The following BRIP1 variants were observed in gnomAD, a reference collection of about 807,000 sequenced individuals.
BRIP1 encodes Fanconi anemia group J protein.
In BRIP1, 88 loss-of-function variants were observed where a neutral mutation model predicts 119.7. The observed-to-expected ratio is 0.74, with a 90% confidence interval of 0.62 to 0.88. The LOEUF (loss-of-function observed/expected upper bound fraction) is 0.88. BRIP1 is among the 40% of genes least tolerant of loss of function. The pLI, the probability that BRIP1 is intolerant of heterozygous loss-of-function variation, is 0.00. For synonymous variants in BRIP1, 443 were observed against 496.5 expected, an observed-to-expected ratio of 0.89 and a Z score of 1.43; for missense variants, 1,259 against 1,455.4, an observed-to-expected ratio of 0.87 and a Z score of 2.20.
rs1457376380 is a variant in BRIP1 at position 61,845,073 on chromosome 17, T to G, written c.627+2028A>C. On this transcript the variant is annotated intron_variant, in intron 6 of 19. Transcript: ENST00000259008. The surrounding 1 kb of genome is among the most constrained non-coding windows in gnomAD (Gnocchi z 4.2). ...AAACAAGTAATCAAGTAATTTCAGA[T>G]AATAGTAAGCCCATGAAGGAAAGGA... Among the ~76,000 whole-genome samples the G allele has an allele frequency of 1.3e-5, 2 of 152,192 alleles. No homozygotes were observed. The highest frequency in any genetic ancestry group is 4.8e-5 in the African/African-American group (2 of 41,430).
intron 8 of BRIP1, among the ~76,000 whole-genome samples, chr17:61,800,762 T>C (rs2077977576): frequency 6.6e-6 from 1 of 152,192 alleles, no homozygotes; most frequent in South Asian, 2.1e-4. Flanking sequence ...AGATGAATTG[T>C]GCAGTCAGAT....
In BRIP1 at chr17:61,834,474, G is replaced by A. The variant is rs1298605681; in HGVS notation, c.627+12627C>T. Among the ~76,000 whole-genome samples the A allele has an allele frequency of 6.6e-6, 1 of 151,684 alleles. No individual in the cohort carries two copies. The highest frequency in any genetic ancestry group is 2.4e-5 in the African/African-American group (1 of 41,244). On this transcript the variant is annotated intron_variant, in intron 6 of 19. Transcript: ENST00000259008. The surrounding 1 kb of genome is among the most constrained non-coding windows in gnomAD (Gnocchi z 4.4). ...TTACATATATACTCAGTTGATACTG[G>A]GTATATATGTAATATATACTACGTA...
chr17:61,858,407 C>G (rs1292849546), intron 3 of BRIP1, among the ~76,000 whole-genome samples: 1 of 148,966 alleles, frequency 6.7e-6, no homozygotes, highest in Non-Finnish European at 1.5e-5. Flanking sequence ...GAGTTTCGCT[C>G]CTGTTGCCCA....
rs1412095887 is a variant in BRIP1, at chr17:61,695,726, T to C, written c.2493-2214A>G. 6.6e-6 allele frequency among the ~76,000 whole-genome samples: 1 copy of C among 152,170 alleles called. No homozygotes were observed. Among genetic ancestry groups the C allele is most frequent in the Non-Finnish European group, 1.5e-5 (1 of 67,996 alleles). Reference sequence around the variant, plus strand: ...AAGTATATTTCTAAGTATTTTCTTCTTTCTGATGTTATTTTAAATGGTATT... The same window carrying C: ...AAGTATATTTCTAAGTATTTTCTTCCTTCTGATGTTATTTTAAATGGTATT... On this transcript the variant is annotated intron_variant, in intron 17 of 19. Transcript: ENST00000259008. The surrounding 1 kb of genome is among the most constrained non-coding windows in gnomAD (Gnocchi z 4.3).
At chr17:61,797,024 C>T (rs2077910326) in intron 9 of BRIP1, among the ~76,000 whole-genome samples, 1 of 151,860 alleles carries the variant, frequency 6.6e-6, no homozygotes, top group South Asian at 2.1e-4. Flanking sequence ...GGAAGAAAAG[C>T]AATTCTGTTT....
At chr17:61,787,799 C>T (rs1039199881) in intron 10 of BRIP1, among the ~76,000 whole-genome samples, 25 of 152,134 alleles carry the variant, frequency 1.6e-4, no homozygotes, top group Non-Finnish European at 1.5e-4. Context: ...CGCCCGCCAC[C>T]ACGCCCGGCT....
rs1370877842 is a variant in BRIP1, at chr17:61,793,185, CAT to C, written c.1473+410_1473+411del. 3.3e-5 allele frequency among the ~76,000 whole-genome samples: 5 copies of C among 152,102 alleles called. No individual in the cohort carries two copies. Among genetic ancestry groups the C allele is most frequent in the African/African-American group, 1.2e-4 (5 of 41,448 alleles). ...ATTTTGCATATAGCTTCATAAGTTT[CAT>C]AGTCTTCCAAAGCCTACTCATGATC... is the stretch of plus-strand genomic sequence containing the variant. On this transcript the variant is annotated intron_variant, in intron 10 of 19. Coordinates refer to ENST00000259008, the MANE Select transcript of BRIP1 (RefSeq NM_032043.3). The surrounding 1 kb of genome is among the most constrained non-coding windows in gnomAD (Gnocchi z 5.2).
chr17:61,787,736 C>T (rs1049131366), intron 10 of BRIP1, among the ~76,000 whole-genome samples: 1 of 152,096 alleles, frequency 6.6e-6, no homozygotes, highest in Non-Finnish European at 1.5e-5. Flanking sequence ...GCTCCGCCTC[C>T]CAGGTTTGCG....
In BRIP1 at chr17:61,717,817, CTTTAT is replaced by C. The variant is rs988420890; in HGVS notation, c.2380-1759_2380-1755del. On this transcript the variant is annotated intron_variant, in intron 16 of 19. Coordinates refer to ENST00000259008, the MANE Select transcript of BRIP1 (RefSeq NM_032043.3). The surrounding 1 kb of genome is among the most constrained non-coding windows in gnomAD (Gnocchi z 4.1). ...CTCCAATTACAACTATATTAGACTA[CTTTAT>C]ATTACTCCACATGTCACTGACCCTC... Among the ~76,000 whole-genome samples the C allele has an allele frequency of 1.7e-4, 26 of 152,070 alleles. No homozygotes were observed. Among genetic ancestry groups the C allele is most frequent in the Non-Finnish European group, 2.9e-5 (2 of 68,006 alleles).
chr17:61,803,264 T>A lies in BRIP1; in HGVS notation c.919-1790A>T, dbSNP rs150734209. Among the ~76,000 whole-genome samples the A allele has an allele frequency of 5.5e-4, 83 of 152,274 alleles. 1 individual carries two copies. The highest frequency in any genetic ancestry group is 9.0e-4 in the Non-Finnish European group (61 of 68,016). ...GCATCACCACATATGGCTCCTTTTTTGTAGAGACAGGGTTTTGTCATGTTG... is the reference window on the plus strand; with the variant it reads ...GCATCACCACATATGGCTCCTTTTTAGTAGAGACAGGGTTTTGTCATGTTG... On this transcript the variant is annotated intron_variant, in intron 7 of 19. Transcript: ENST00000259008. This position sits in a 1 kb window ranked among gnomAD's most constrained non-coding sequence, Gnocchi z 4.3.
Position 61,689,320 on chromosome 17 carries a change from G to T in BRIP1, c.2576-3155C>A, listed in dbSNP as rs1034812060. 1.3e-5 allele frequency among the ~76,000 whole-genome samples: 2 copies of T among 151,772 alleles called. No homozygotes were observed. The highest frequency in any genetic ancestry group is 4.8e-5 in the African/African-American group (2 of 41,318). ...CAGCCTCCCAAAGTGCTAAGAATCA[G>T]GAAATTTGAAGGCAAGTCGTTTGAA... On this transcript the variant is annotated intron_variant, in intron 18 of 19. Transcript: ENST00000259008. This position sits in a 1 kb window ranked among gnomAD's most constrained non-coding sequence, Gnocchi z 4.5.
At position 61,847,139 on chromosome 17, in the gene BRIP1, A is replaced by G. The variant is rs530897769; in HGVS notation, c.589T>C (p.Ser197Pro). The part of the protein sequence containing the change: ...VDSGKTVKLN[S>P]PLEKINSFSP... ...AAGGAGTTTATCTTTTCCAGTGGAG[A>G]GTTGAGTTTTACAGTCTTTCCTGAA... The change falls in exon 6 of 20, where the codon TCT becomes CCT. Residue 197 changes from serine to proline, a missense_variant. Physicochemically the swap from Ser to Pro is moderately conservative, Grantham distance 74. This residue lies in a region of BRIP1 where 501 missense variants were observed against 544.0 expected (regional missense o/e 0.92). Transcript: ENST00000259008. The G allele has an allele frequency of 8.1e-6, 13 of 1,613,750 alleles. No homozygotes were observed. The South Asian group carries it at 1.1e-4, about 14-fold the overall frequency.
At chr17:61,727,718 T>G (rs2076784610) in intron 16 of BRIP1, among the ~76,000 whole-genome samples, 1 of 151,968 alleles carries the variant, frequency 6.6e-6, no homozygotes, top group African/African-American at 2.4e-5. Flanking sequence ...AGCCATGATC[T>G]CACCACTGCA....
Position 61,807,322 on chromosome 17 carries a change from T to C in BRIP1, c.918+1145A>G, listed in dbSNP as rs1349150000. ...AATTCCTCAGTTAGTTAGAAATAAC[T>C]CTTTGGAAATAAATATGACTGTAGG... is the stretch of plus-strand genomic sequence containing the variant. On this transcript the variant is annotated intron_variant, in intron 7 of 19. Coordinates refer to ENST00000259008, the MANE Select transcript of BRIP1 (RefSeq NM_032043.3). The surrounding 1 kb of genome is among the most constrained non-coding windows in gnomAD (Gnocchi z 4.5). Among the ~76,000 whole-genome samples the C allele has an allele frequency of 6.6e-6, 1 of 152,216 alleles. No individual in the cohort carries two copies.
chr17:61,786,815 T>TATATAA (rs943698836), intron 10 of BRIP1, among the ~76,000 whole-genome samples: 6 of 129,834 alleles, frequency 4.6e-5, no homozygotes, highest in Non-Finnish European at 9.5e-5. Flanking sequence ...TTATATATTT[T>TATATAA]ATATAAATAT....
Position 61,831,986 on chromosome 17 carries a change from T to C in BRIP1, c.627+15115A>G, listed in dbSNP as rs2078500012. 6.6e-6 allele frequency among the ~76,000 whole-genome samples: 1 copy of C among 152,278 alleles called. No individual in the cohort carries two copies. Among genetic ancestry groups the C allele is most frequent in the African/African-American group, 2.4e-5 (1 of 41,550 alleles). On this transcript the variant is annotated intron_variant, in intron 6 of 19. Transcript: ENST00000259008. The surrounding 1 kb of genome is among the most constrained non-coding windows in gnomAD (Gnocchi z 4.1). ...TATGAGTCTGGGTTTGTGTACACAA[T>C]ACATTGTGTATATTCTCTAGCTGTC...
rs2145558240 is a variant in BRIP1 at position 61,823,463 on chromosome 17, T to A, written c.628-14706A>T. Reference sequence around the variant, plus strand: ...AAAACACAATAACTGAAAAGAAAAATCCACTAGTAAGATTTAACACCAAAT... The same window carrying A: ...AAAACACAATAACTGAAAAGAAAAAACCACTAGTAAGATTTAACACCAAAT... On this transcript the variant is annotated intron_variant, in intron 6 of 19. Coordinates refer to ENST00000259008, the MANE Select transcript of BRIP1 (RefSeq NM_032043.3). This position sits in a 1 kb window ranked among gnomAD's most constrained non-coding sequence, Gnocchi z 4.8. Among the ~76,000 whole-genome samples, 1 of 151,802 alleles carries A rather than the reference T, an allele frequency of 6.6e-6. No individual in the cohort carries two copies. Among genetic ancestry groups the A allele is most frequent in the East Asian group, 1.9e-4 (1 of 5,162 alleles).
rs2061268335 is a variant in BRIP1 at position 61,681,421 on chromosome 17, G to A, written c.*1875C>T. On this transcript the variant is annotated 3_prime_UTR_variant, in exon 20 of 20. Transcript: ENST00000259008. This position sits in a 1 kb window ranked among gnomAD's most constrained non-coding sequence, Gnocchi z 5.1. ...ATAGTACTAACCGCTGCATTTTACA[G>A]ATGAAACTAATTCCCTGAAGGGTGT... 4.7e-6 allele frequency: 1 copy of A among 212,024 alleles called. No homozygotes were observed. The highest frequency in any genetic ancestry group is 9.6e-6 in the Non-Finnish European group (1 of 104,670). The allele number at this position is 212,024 out of a possible 1,614,324, so 13.1% of individuals were successfully genotyped here.
rs1249555137 is a variant in BRIP1, at chr17:61,746,150, T to TA, written c.2098-1560dup. Among the ~76,000 whole-genome samples, 6 of 152,128 alleles carry TA rather than the reference T, an allele frequency of 3.9e-5. No individual in the cohort carries two copies. On this transcript the variant is annotated intron_variant, in intron 14 of 19. Coordinates refer to ENST00000259008, the MANE Select transcript of BRIP1 (RefSeq NM_032043.3). This position sits in a 1 kb window ranked among gnomAD's most constrained non-coding sequence, Gnocchi z 4.9. ...AGAAATAAACTTCTTAATAAGACTA[T>TA]AAAACAAAACATTAGTAAAATAGTT...
Sources: gnomAD v4.1 joint callset for allele counts (sites outside exome capture counted in the v4.1 genomes callset) on GRCh38, gnomAD v4.1.1 for gene constraint, gnomAD v4.1.1 regional missense constraint, Gnocchi (gnomAD v3.1) non-coding constraint, MANE v1.5 for transcripts, NCBI Gene and HGNC (gene_info 2026-07-23, HGNC 2026-07-21) for gene names.